The following ZRANB3 variants were observed in gnomAD, a reference collection of about 807,000 sequenced individuals.
ZRANB3 encodes zinc finger RANBP2-type containing 3.
In ZRANB3, 125 loss-of-function variants were observed where a neutral mutation model predicts 133.8. That is an observed-to-expected ratio of 0.93 (90% confidence interval 0.81 to 1.08). The LOEUF is 1.08. ZRANB3 is among the 50% of genes least tolerant of loss of function. The probability of loss-of-function intolerance (pLI) is 0.00; values close to 1 mark genes in which losing one functional copy is unlikely to be tolerated. For missense variants in ZRANB3, 1,229 were observed against 1,275.5 expected (o/e 0.96, Z 0.56); for synonymous variants, 387 against 432.7 (o/e 0.89, Z 1.31).
At chr2:135,361,755 A>G (rs969359270) in intron 3 of ZRANB3, among the ~76,000 whole-genome samples, 1 of 152,248 alleles carries the variant, frequency 6.6e-6, no homozygotes, top group South Asian at 2.1e-4. Context: ...AAACCCGCAT[A>G]AAGAAATAGC....
intron 3 of ZRANB3, among the ~76,000 whole-genome samples, chr2:135,354,458 TAAAA>T (rs1261761776): frequency 6.6e-6 from 1 of 152,196 alleles, no homozygotes; most frequent in African/African-American, 2.4e-5. Context: ...TGTTCCAATT[TAAAA>T]AGTAGTCACT....
chr2:135,315,641 T>C (rs737388), intron 6 of ZRANB3, 111 bp from the exon 7 acceptor site: 23,998 of 787,776 alleles, frequency 0.03, 989 homozygotes, highest in African/African-American at 0.16. Context: ...ACTGTTTTCA[T>C]TGATATTTCT....
chr2:135,312,171 TA>T (rs1683021337), intron 8 of ZRANB3, among the ~76,000 whole-genome samples: 2 of 145,786 alleles, frequency 1.4e-5, no homozygotes, highest in African/African-American at 2.5e-5. Context: ...TATTTTATTT[TA>T]TTTTATTTTA....
chr2:135,317,678 C>G (rs1299523943), intron 6 of ZRANB3, among the ~76,000 whole-genome samples: 1 of 152,138 alleles, frequency 6.6e-6, no homozygotes, highest in Admixed American at 6.5e-5. Flanking sequence ...TGTCATAGTG[C>G]CAGGACCTGG....
At chr2:135,329,490 C>G (rs1031542143) in intron 6 of ZRANB3, among the ~76,000 whole-genome samples, 3 of 152,142 alleles carry the variant, frequency 2.0e-5, no homozygotes, top group African/African-American at 7.2e-5. Flanking sequence ...AGCCAGGTGG[C>G]ATAATGCCTC....
rs181084673 is a variant in ZRANB3, at chr2:135,265,074, T to C, written c.1539+460A>G. ...CTTTGCCTATTTTTCTGTTGACTTGTTTATGCTTTACTAATTGAGTTGTAT... is the reference window on the plus strand; with the variant it reads ...CTTTGCCTATTTTTCTGTTGACTTGCTTATGCTTTACTAATTGAGTTGTAT... On this transcript the variant is annotated intron_variant, in intron 12 of 20. Coordinates refer to ENST00000264159, the MANE Select transcript of ZRANB3 (RefSeq NM_032143.4). Among the ~76,000 whole-genome samples the C allele has an allele frequency of 8.1e-4, 124 of 152,288 alleles. 1 individual carries two copies. Among genetic ancestry groups the C allele is most frequent in the Middle Eastern group, 3.4e-3 (1 of 294 alleles).
intron 1 of ZRANB3, among the ~76,000 whole-genome samples, chr2:135,509,449 C>G (rs576668344): frequency 6.6e-6 from 1 of 152,156 alleles, no homozygotes; most frequent in South Asian, 2.1e-4. Flanking sequence ...TATAAGTCAA[C>G]CATAGTAAAA....
chr2:135,443,351 G>A (rs958522277), intron 2 of ZRANB3, among the ~76,000 whole-genome samples: 18 of 147,406 alleles, frequency 1.2e-4, no homozygotes, highest in South Asian at 4.5e-4. Flanking sequence ...TGGGAGTGTC[G>A]GGGGGGACAC....
At chr2:135,469,198 C>G (rs1018915305) in intron 2 of ZRANB3, among the ~76,000 whole-genome samples, 1 of 151,886 alleles carries the variant, frequency 6.6e-6, no homozygotes, top group Non-Finnish European at 1.5e-5. Context: ...GTGTTCAACA[C>G]ATCTTAATTA....
At chr2:135,438,115 T>C (rs935887029) in intron 2 of ZRANB3, among the ~76,000 whole-genome samples, 2 of 152,190 alleles carry the variant, frequency 1.3e-5, no homozygotes, top group South Asian at 2.1e-4. Context: ...TGGCATATCA[T>C]AGGACTTCCC....
chr2:135,461,782 G>A (rs1335239235), intron 2 of ZRANB3, among the ~76,000 whole-genome samples: 1 of 152,140 alleles, frequency 6.6e-6, no homozygotes, highest in Non-Finnish European at 1.5e-5. Context: ...TATAGGTTCT[G>A]CCACTTTGTC....
intron 1 of ZRANB3, among the ~76,000 whole-genome samples, chr2:135,515,246 G>A (rs920475369): frequency 5.3e-5 from 8 of 152,134 alleles, no homozygotes; most frequent in East Asian, 1.9e-4. Flanking sequence ...GTACAAATTC[G>A]GCCGTGAATC....
chr2:135,280,060 C>T (rs985880209), intron 8 of ZRANB3, among the ~76,000 whole-genome samples: 3 of 152,306 alleles, frequency 2.0e-5, no homozygotes, highest in African/African-American at 7.2e-5. Context: ...CAGGAATTTG[C>T]TTCCAAACGA....
At chr2:135,470,745 G>A (rs577726234) in intron 2 of ZRANB3, among the ~76,000 whole-genome samples, 60 of 151,598 alleles carry the variant, frequency 4.0e-4, no homozygotes, top group African/African-American at 1.3e-3. Flanking sequence ...CTTCAAATAC[G>A]GAGTCAAGCT....
Position 135,230,807 on chromosome 2 carries a change from A to G in ZRANB3, c.1660T>C (p.Ser554Pro). ...CTTGCAGCTGTTTTTGTAGGGTCTGATGACACTACAGTATTTTCCTCCCGG... is the reference window on the plus strand; with the variant it reads ...CTTGCAGCTGTTTTTGTAGGGTCTGGTGACACTACAGTATTTTCCTCCCGG... ...RFREENTVVS[S>P]DPTKTAARDI... The change falls in exon 13 of 21, where the codon TCA becomes CCA. Residue 554 changes from serine (S) to proline (P), a missense_variant. Coordinates refer to ENST00000264159, the MANE Select transcript of ZRANB3 (RefSeq NM_032143.4). 1 of 1,613,860 alleles carries G rather than the reference A, an allele frequency of 6.2e-7. No homozygotes were observed. The highest frequency in any genetic ancestry group is 8.5e-7 in the Non-Finnish European group (1 of 1,179,850).
At position 135,315,502 on chromosome 2, in the gene ZRANB3, A is replaced by G. The variant is rs1683207784; in HGVS notation, c.706T>C (p.Cys236Arg). 2.6e-6 allele frequency: 4 copies of G among 1,563,562 alleles called. No individual in the cohort carries two copies. Among genetic ancestry groups the G allele is most frequent in the South Asian group, 1.2e-5 (1 of 80,960 alleles). Residue 236 changes from cysteine (C) to arginine (R), a missense_variant, in exon 7 of 21, where the codon TGT becomes CGT. Coordinates refer to ENST00000264159, the MANE Select transcript of ZRANB3 (RefSeq NM_032143.4). ...TCATTAAGATTTGATGCCCCTCTACAATCCCACTGAGGTCTTTTACCAAAA... is the reference window on the plus strand; with the variant it reads ...TCATTAAGATTTGATGCCCCTCTACGATCCCACTGAGGTCTTTTACCAAAA... ...RYFGKRPQWD[C>R]RGASNLNELH...
intron 6 of ZRANB3, among the ~76,000 whole-genome samples, chr2:135,337,220 G>A (rs1335122440): frequency 6.6e-6 from 1 of 152,070 alleles, no homozygotes; most frequent in Non-Finnish European, 1.5e-5. Context: ...ATGCTTCTTT[G>A]TTCATATTCA....
chr2:135,248,315 C>T (rs1314067737), intron 12 of ZRANB3, among the ~76,000 whole-genome samples: 4 of 152,158 alleles, frequency 2.6e-5, no homozygotes, highest in African/African-American at 9.7e-5. Context: ...AGCCTCCAGG[C>T]CCAAAAGTAT....
intron 2 of ZRANB3, among the ~76,000 whole-genome samples, chr2:135,412,283 T>C (rs1688342443): frequency 6.6e-6 from 1 of 152,124 alleles, no homozygotes; most frequent in South Asian, 2.1e-4. Flanking sequence ...GTAGACAAAA[T>C]GGTGTCACGT....
Sources: allele counts gnomAD v4.1 joint callset (sites outside exome capture counted in the v4.1 genomes callset), GRCh38; gene constraint gnomAD v4.1.1; transcripts MANE v1.5; gene names NCBI Gene and HGNC (gene_info 2026-07-23, HGNC 2026-07-21).